Variants in NRN1 observed in about 807,000 individuals in gnomAD.
NRN1 encodes the protein neuritin 1, also known as neuritin.
Under a neutral mutation model 15.0 loss-of-function variants are expected in NRN1, and 4 were observed. The ratio of observed to expected loss-of-function variants is 0.27; its 90% CI spans 0.13 to 0.61. The LOEUF (loss-of-function observed/expected upper bound fraction) is 0.61. Among genes scored for constraint, NRN1 ranks in the 20% least tolerant of loss-of-function variants. NRN1 has a pLI of 0.87. For synonymous variants in NRN1, 85 were observed against 79.8 expected, an observed-to-expected ratio of 1.07 and a Z score of -0.35; for missense variants, 134 against 181.9, an observed-to-expected ratio of 0.74 and a Z score of 1.51.
Position 6,006,625 on chromosome 6 carries a change from C to G in NRN1, c.55+70G>C, listed in dbSNP as rs976440526. ...GGGCGGCCGCGGACCCGCTAGTCCC[C>G]CTCCGCGCCTCGGGCCGGGGCAGGC... is the stretch of plus-strand genomic sequence containing the variant. On this transcript the variant is annotated intron_variant, in intron 1 of 2. Coordinates refer to ENST00000244766, the MANE Select transcript of NRN1 (RefSeq NM_016588.3). 6.7e-6 allele frequency: 10 copies of G among 1,488,098 alleles called. No individual in the cohort carries two copies. In the East Asian group the frequency reaches 6.8e-5, roughly 10 times the overall value. 92.2% of individuals were successfully genotyped at this position (1,488,098 alleles called of 1,614,324 possible). A position where few individuals can be genotyped will look rare whatever the true frequency, so the allele number is the denominator to read the frequency against.
chr6:6,000,314 C>G (rs760935051), intron 2 of NRN1, among the ~76,000 whole-genome samples: 2 of 152,160 alleles, frequency 1.3e-5, no homozygotes, highest in Non-Finnish European at 2.9e-5. Context: ...TTTGACTGTC[C>G]CCCTTTCTTC....
intron 1 of NRN1, chr6:6,003,901 G>C: frequency 8.1e-7 from 1 of 1,230,320 alleles, no homozygotes; most frequent in Middle Eastern, 2.8e-4. Context: ...GCGCCGGCCT[G>C]GTCCTCGGCA....
intron 2 of NRN1, among the ~76,000 whole-genome samples, chr6:6,000,763 G>A (rs1282403921): frequency 1.0e-5 from 1 of 97,504 alleles, no homozygotes; most frequent in East Asian, 2.9e-4. Flanking sequence ...ACGCCCAGAT[G>A]AGGGCAGAGT....
chr6:6,001,122 C>T (rs1757933636), intron 2 of NRN1, among the ~76,000 whole-genome samples: 1 of 152,190 alleles, frequency 6.6e-6, no homozygotes, highest in Non-Finnish European at 1.5e-5. Flanking sequence ...CATTTAGCTG[C>T]TATGGCTCCT....
Position 6,006,733 on chromosome 6 carries a change from T to A in NRN1, c.17A>T (p.Asn6Ile). The change falls in exon 1 of 3, where the codon AAC becomes ATC. Residue 6 changes from asparagine to isoleucine, a missense_variant. Coordinates refer to ENST00000244766, the MANE Select transcript of NRN1 (RefSeq NM_016588.3). ...GAGGATCAGTGAAATATATCTGCCG[T>A]TCAACTTAAGTCCCATCCTACGTTT... is the stretch of plus-strand genomic sequence containing the variant. MGLKLNGRYISLILAV... is the reference protein window; with the variant it reads MGLKLIGRYISLILAV... 6.2e-7 allele frequency: 1 copy of A among 1,614,100 alleles called. No individual in the cohort carries two copies. The highest frequency in any genetic ancestry group is 8.5e-7 in the Non-Finnish European group (1 of 1,179,976).
At chr6:6,002,524 G>A in intron 1 of NRN1, 27 bp from the exon 2 acceptor site, 4 of 1,603,200 alleles carry the variant, frequency 2.5e-6, no homozygotes, top group South Asian at 2.2e-5. Context: ...ACACCGGTCA[G>A]CAGCGCCACG....
chr6:5,999,064 C>T lies in NRN1; in HGVS notation c.341G>A (p.Gly114Asp), dbSNP rs763685415. The change falls in exon 3 of 3, where the codon GGC (glycine) becomes GAC (aspartate). Residue 114 changes from glycine to aspartate, a missense_variant. Transcript: ENST00000244766. ...QGSLFELCGSGNGAAGSLLPA... is the reference protein window; with the variant it reads ...QGSLFELCGSDNGAAGSLLPA... ...GAGCAGGGACCCCGCCGCCCCGTTG[C>T]CGCTGCCGCAGAGTTCGAATAAGCT... 2 of 1,614,082 alleles carry T rather than the reference C, an allele frequency of 1.2e-6. No homozygotes were observed. The highest frequency in any genetic ancestry group is 2.2e-5 in the South Asian group (2 of 91,076).
rs756250146 is a variant in NRN1, at chr6:5,999,118, T to C, written c.287A>G (p.Lys96Arg). ...TTGGATGTTGAGGTTTTTGGATTCTTTTCTCAGTTTATCCCACATATCTTT... is the reference window on the plus strand; with the variant it reads ...TTGGATGTTGAGGTTTTTGGATTCTCTTCTCAGTTTATCCCACATATCTTT... The part of the protein sequence containing the change: ...GAKDMWDKLR[K>R]ESKNLNIQGS... The change falls in exon 3 of 3, where the codon AAA becomes AGA. Residue 96 changes from lysine to arginine, a missense_variant. Lys to Arg is a conservative substitution (Grantham distance 26). Transcript: ENST00000244766. The C allele has an allele frequency of 6.2e-7, 1 of 1,614,194 alleles. No homozygotes were observed.
intron 1 of NRN1, among the ~76,000 whole-genome samples, chr6:6,004,398 A>G (rs1396417969): frequency 1.3e-5 from 2 of 152,018 alleles, no homozygotes; most frequent in African/African-American, 4.8e-5. Flanking sequence ...ATAAAGTCCA[A>G]TCTCCCCGTC....
chr6:6,002,445 C>T lies in NRN1; in HGVS notation c.108G>A (p.Lys36=), dbSNP rs769225536. The T allele has an allele frequency of 1.2e-6, 2 of 1,614,112 alleles. No individual in the cohort carries two copies. The highest frequency in any genetic ancestry group is 1.3e-5 in the African/African-American group (1 of 74,954). Residue 36 remains lysine (K), a synonymous_variant, in exon 2 of 3, where the codon AAG becomes AAA. Coordinates refer to ENST00000244766, the MANE Select transcript of NRN1 (RefSeq NM_016588.3). ...RAAGKCDAVF[K]GFSDCLLKLG... ...GCTTGAGCAAACAGTCCGAAAAGCC[C>T]TTGAAGACCGCATCGCACTTGCCCG...
chr6:6,004,660 A>T (rs1453201454), intron 1 of NRN1, among the ~76,000 whole-genome samples: 1 of 152,164 alleles, frequency 6.6e-6, no homozygotes, highest in African/African-American at 2.4e-5. Flanking sequence ...CTTCTCTGGG[A>T]GGCCGGGAGG....
intron 2 of NRN1, among the ~76,000 whole-genome samples, chr6:6,000,720 CTCT>C (rs1351329138): frequency 1.4e-3 from 102 of 72,912 alleles, no homozygotes; most frequent in Non-Finnish European, 8.8e-4. Context: ...GCCTAAATTG[CTCT>C]TTTTTTTTTT....
Position 6,006,839 on chromosome 6 carries a change from A to C in NRN1, c.-90T>G. ...GAAAGCCAAAAAATAGGCATTGCCAACAAGTTCCGGGAGCGACAGAGACTT... is the reference window on the plus strand; with the variant it reads ...GAAAGCCAAAAAATAGGCATTGCCACCAAGTTCCGGGAGCGACAGAGACTT... On this transcript the variant is annotated 5_prime_UTR_variant, in exon 1 of 3. Transcript: ENST00000244766. 8.4e-7 allele frequency: 1 copy of C among 1,191,078 alleles called. No individual in the cohort carries two copies. The highest frequency in any genetic ancestry group is 1.3e-6 in the Non-Finnish European group (1 of 795,076). The allele number at this position is 1,191,078 out of a possible 1,614,324, so 73.8% of individuals were successfully genotyped here. A position where few individuals can be genotyped will look rare whatever the true frequency, so the allele number is the denominator to read the frequency against.
chr6:6,001,577 C>A (rs955150607), intron 2 of NRN1, among the ~76,000 whole-genome samples: 4 of 152,198 alleles, frequency 2.6e-5, no homozygotes, highest in Non-Finnish European at 5.9e-5. Flanking sequence ...ACCTTTGAAG[C>A]TGTCCAGGTC....
At position 5,999,029 on chromosome 6, in the gene NRN1, G is replaced by A. The variant is rs781358838; in HGVS notation, c.376C>T (p.Pro126Ser). 5 of 1,613,514 alleles carry A rather than the reference G, an allele frequency of 3.1e-6. No homozygotes were observed. The South Asian group carries it at 5.5e-5, about 18-fold the overall frequency. ...GAAGSLLPAF[P>S]VLLVSLSAAL... is the part of the protein sequence containing the mutation. ...GCCGAGAGAGACACCAGGAGCACCG[G>A]GAACGCCGGGAGCAGGGACCCCGCC... The change falls in exon 3 of 3, where the codon CCG (proline) becomes TCG (serine). Residue 126 changes from proline to serine, a missense_variant. Physicochemically the swap from Pro to Ser is moderately conservative, Grantham distance 74. Transcript: ENST00000244766.
upstream of NRN1, chr6:6,006,958 G>C: frequency 1.1e-5 from 2 of 179,744 alleles, no homozygotes; most frequent in Non-Finnish European, 2.1e-5. Flanking sequence ...AGAGAGAGAG[G>C]CTGAGGGGGG....
intron 2 of NRN1, among the ~76,000 whole-genome samples, chr6:6,000,375 G>C (rs907429590): frequency 4.6e-4 from 70 of 152,228 alleles, no homozygotes; most frequent in African/African-American, 1.6e-3. Flanking sequence ...ACCCGTGATC[G>C]ATTCCTGGGG....
At chr6:6,004,122 G>C in intron 1 of NRN1, 1 of 830,492 alleles carries the variant, frequency 1.2e-6, no homozygotes, top group African/African-American at 1.8e-5. Flanking sequence ...AATCCGGAAC[G>C]GGAAGCACTG....
rs995924435 is a variant in NRN1, at chr6:5,998,032, A to G, written c.*944T>C. The G allele has an allele frequency of 2.0e-5, 3 of 152,152 alleles. No individual in the cohort carries two copies. Among genetic ancestry groups the G allele is most frequent in the Non-Finnish European group, 4.4e-5 (3 of 68,020 alleles). The allele number at this position is 152,152 out of a possible 1,614,324, so 9.4% of individuals were successfully genotyped here. The stretch of plus-strand genomic sequence containing the variant: ...AATAACTTTTATTTTATACTTCTCT[A>G]TACTTTGTAGCAAATCTTTTTTTGC... On this transcript the variant is annotated 3_prime_UTR_variant, in exon 3 of 3. Transcript: ENST00000244766.
Sources: gnomAD v4.1 joint callset for allele counts (sites outside exome capture counted in the v4.1 genomes callset) on GRCh38, gnomAD v4.1.1 for gene constraint, MANE v1.5 for transcripts, NCBI Gene and HGNC (gene_info 2026-07-23, HGNC 2026-07-21) for gene names.